MALAT1: variants seen among roughly 807,000 people sequenced by gnomAD.
The protein encoded by MALAT1 is metastasis associated lung adenocarcinoma transcript 1.
At chr11:65,503,391 C>T (rs192992046) in exon 3 of MALAT1, 3 of 517,576 alleles carry the variant, frequency 5.8e-6, no homozygotes, top group East Asian at 5.4e-5. Context: ...GGATAGTACA[C>T]TTCACTCAGA....
At chr11:65,506,022 A>G in intron 3 of MALAT1, 2 of 459,532 alleles carry the variant, frequency 4.4e-6, no homozygotes. Flanking sequence ...CAGTAGGGTC[A>G]TGAAGGTTTT....
exon 3 of MALAT1, chr11:65,501,920 T>A (rs1035168626): frequency 1.9e-6 from 1 of 517,530 alleles, no homozygotes; most frequent in Non-Finnish European, 3.9e-6. Flanking sequence ...GGTAATTGTT[T>A]AGTTTATGAT....
chr11:65,505,988 C>G (rs368619426), intron 3 of MALAT1: 12 of 457,812 alleles, frequency 2.6e-5, no homozygotes, highest in Admixed American at 5.6e-5. Flanking sequence ...AGCATCTTAG[C>G]GGAAGCTGAT....
chr11:65,503,832 G>A (rs781099776), exon 3 of MALAT1: 7 of 517,592 alleles, frequency 1.4e-5, no homozygotes, highest in Admixed American at 7.8e-5. Context: ...TTCATAAAGT[G>A]ATGAGCATAT....
chr11:65,498,153 T>G (rs765555928), intron 1 of MALAT1: 3 of 518,776 alleles, frequency 5.8e-6, no homozygotes, highest in African/African-American at 5.8e-5. Context: ...GTGTAAACAC[T>G]TCTGGGTGTG....
At chr11:65,504,251 AT>A (rs746446752) in intron 3 of MALAT1, 1 of 494,124 alleles carries the variant, frequency 2.0e-6, no homozygotes, top group Admixed American at 2.1e-5. Flanking sequence ...CATACTCAAA[AT>A]TTTTTTCCTG....
At chr11:65,499,632 C>A (rs1166191079) in exon 3 of MALAT1, 1 of 443,980 alleles carries the variant, frequency 2.3e-6, no homozygotes, top group Non-Finnish European at 4.5e-6. Flanking sequence ...TAGGATGAAA[C>A]AATTTGGAGA....
intron 3 of MALAT1, chr11:65,505,029 CT>C (rs1565056902): frequency 1.9e-6 from 1 of 518,890 alleles, no homozygotes; most frequent in East Asian, 5.4e-5. Flanking sequence ...GGTGAACAAG[CT>C]TTTTCTGTAT....
chr11:65,503,439 A>C, exon 3 of MALAT1: 1 of 517,618 alleles, frequency 1.9e-6, no homozygotes, highest in Non-Finnish European at 3.9e-6. Flanking sequence ...AAAAGCCTCT[A>C]AAGTGATCAG....
chr11:65,504,772 T>A, intron 3 of MALAT1: 1 of 519,040 alleles, frequency 1.9e-6, no homozygotes, highest in South Asian at 1.4e-5. Context: ...GCATTGTTTA[T>A]GTGTGGGTTT....
intron 1 of MALAT1, chr11:65,498,081 C>G (rs780830989): frequency 1.9e-6 from 1 of 518,922 alleles, no homozygotes; most frequent in South Asian, 1.4e-5. Context: ...GAAGCTCATA[C>G]CTAACCAGGC....
exon 1 of MALAT1, chr11:65,497,806 G>T: frequency 2.0e-6 from 1 of 508,274 alleles, no homozygotes; most frequent in Non-Finnish European, 3.9e-6. Flanking sequence ...GCCCTCTTAA[G>T]CGCAGCGCCA....
exon 3 of MALAT1, chr11:65,499,030 C>T (rs769785371): frequency 9.6e-6 from 5 of 518,524 alleles, no homozygotes; most frequent in Middle Eastern, 3.2e-4. Context: ...ATACGCCTCG[C>T]CCGAGCTGTG....
chr11:65,504,380 G>A (rs1210509167), intron 3 of MALAT1: 1 of 518,508 alleles, frequency 1.9e-6, no homozygotes, highest in South Asian at 1.4e-5. Flanking sequence ...CTGTTGGCAA[G>A]TAAATGCAGT....
exon 3 of MALAT1, chr11:65,503,130 CG>C: frequency 4.3e-5 from 22 of 508,006 alleles, no homozygotes; most frequent in South Asian, 3.0e-4. Context: ...GGTATCTCTT[CG>C]TTATCAGAAG....
exon 3 of MALAT1, chr11:65,501,118 T>C (rs554295010): frequency 2.5e-5 from 13 of 516,842 alleles, no homozygotes; most frequent in South Asian, 1.8e-4. Context: ...GGTAATGAAG[T>C]ATTTCAGTTT....
exon 3 of MALAT1, chr11:65,502,535 G>A: frequency 2.1e-6 from 1 of 484,160 alleles, no homozygotes; most frequent in South Asian, 1.6e-5. Context: ...TTATCTGTTT[G>A]TAAATTGTAA....
chr11:65,501,434 G>A (rs1160775938), exon 3 of MALAT1: 1 of 516,054 alleles, frequency 1.9e-6, no homozygotes, highest in East Asian at 5.5e-5. Context: ...TGGAGAAATG[G>A]CTGGTAGTTA....
intron 1 of MALAT1, chr11:65,498,496 G>C (rs1235181003): frequency 3.9e-6 from 2 of 517,478 alleles, no homozygotes; most frequent in South Asian, 2.8e-5. Context: ...AGCCCGTGCT[G>C]CTCCGATTTC....
Sources: allele counts gnomAD v4.1 joint callset, GRCh38; gene constraint gnomAD v4.1.1; transcripts MANE v1.5; gene names NCBI Gene and HGNC (gene_info 2026-07-23, HGNC 2026-07-21).